The following KIF2A variants were observed in gnomAD, a reference collection of about 807,000 sequenced individuals.
KIF2A encodes the protein kinesin family member 2A.
A neutral mutation model predicts 100.2 loss-of-function variants in KIF2A; 22 were observed. That is an observed-to-expected ratio of 0.22 (90% CI 0.16 to 0.31). KIF2A has a LOEUF of 0.31. Among genes scored for constraint, KIF2A ranks in the 10% least tolerant of loss-of-function variants. The pLI, the probability that KIF2A is intolerant of heterozygous loss-of-function variation, is 1.00. For missense variants in KIF2A, 495 were observed against 898.7 expected (o/e 0.55, Z 5.74); for synonymous variants, 268 against 285.9 (o/e 0.94, Z 0.63).
intron 16 of KIF2A, among the ~76,000 whole-genome samples, 178 bp downstream of exon 16, chr5:62,366,659 G>A (rs941537394): frequency 2.0e-4 from 31 of 151,886 alleles, no homozygotes; most frequent in Non-Finnish European, 3.7e-4. Context: ...GTGAAACCCC[G>A]TCTCTACTAA....
At chr5:62,327,676 C>G (rs146998650) in intron 1 of KIF2A, among the ~76,000 whole-genome samples, 11 of 152,302 alleles carry the variant, frequency 7.2e-5, no homozygotes, top group Admixed American at 7.2e-4. Flanking sequence ...TCTGGCAGCA[C>G]TGAATTTGAA....
At chr5:62,350,339 A>G (rs1049767722) in intron 4 of KIF2A, among the ~76,000 whole-genome samples, 1 of 151,744 alleles carries the variant, frequency 6.6e-6, no homozygotes, top group East Asian at 1.9e-4. Context: ...GTACATTGGC[A>G]TGAACACAGC....
At chr5:62,369,903 A>G (rs1741241914) in intron 16 of KIF2A, among the ~76,000 whole-genome samples, 1 of 152,200 alleles carries the variant, frequency 6.6e-6, no homozygotes, top group Non-Finnish European at 1.5e-5. Flanking sequence ...TAACTTCCTT[A>G]CTACTTAATG....
chr5:62,351,246 A>AATG (rs1561267621), intron 4 of KIF2A, among the ~76,000 whole-genome samples: 1 of 151,956 alleles, frequency 6.6e-6, no homozygotes, highest in African/African-American at 2.4e-5. Context: ...ATAAATAAAT[A>AATG]AATAATATAA....
chr5:62,316,731 G>A (rs1419077478), intron 1 of KIF2A, among the ~76,000 whole-genome samples: 7 of 152,128 alleles, frequency 4.6e-5, no homozygotes, highest in Non-Finnish European at 5.9e-5. Context: ...TTGATAGCGC[G>A]GAGGGTGTGT....
At chr5:62,337,950 T>C (rs1021437681) in intron 1 of KIF2A, among the ~76,000 whole-genome samples, 12 of 152,218 alleles carry the variant, frequency 7.9e-5, no homozygotes, top group African/African-American at 2.7e-4. Flanking sequence ...TTGTGATTAT[T>C]GGTTTATATG....
At chr5:62,321,696 G>A (rs1030105686) in intron 1 of KIF2A, among the ~76,000 whole-genome samples, 6 of 151,722 alleles carry the variant, frequency 4.0e-5, no homozygotes, top group Non-Finnish European at 7.4e-5. Context: ...CCAAGTAGCT[G>A]GGACTACAGA....
chr5:62,333,327 CTGTT>C (rs1746751080), intron 1 of KIF2A, among the ~76,000 whole-genome samples: 1 of 152,112 alleles, frequency 6.6e-6, no homozygotes, highest in Admixed American at 6.5e-5. Context: ...CTTTCCAAAA[CTGTT>C]TGTGAGGCTG....
rs755527027 is a variant in KIF2A at position 62,363,269 on chromosome 5, T to C, written c.1211T>C (p.Val404Ala). 6.2e-7 allele frequency: 1 copy of C among 1,613,534 alleles called. No individual in the cohort carries two copies. Among genetic ancestry groups the C allele is most frequent in the South Asian group, 1.1e-5 (1 of 91,018 alleles). ...VQVVGLQERE[V>A]KCVEDVLKLI... ...GTGGTGGGATTACAGGAACGGGAGG[T>C]CAAATGTGTTGAAGATGTACTGAAA... The change falls in exon 13 of 21, where the codon GTC becomes GCC. Residue 404 changes from valine to alanine, a missense_variant. Around this residue, in one of 10 missense-constraint regions of KIF2A, gnomAD observed 38 missense variants for 99.5 expected, o/e 0.38. Coordinates refer to ENST00000407818, the MANE Select transcript of KIF2A (RefSeq NM_001098511.3).
chr5:62,326,775 C>T (rs546609956), intron 1 of KIF2A, among the ~76,000 whole-genome samples: 6 of 151,976 alleles, frequency 3.9e-5, no homozygotes, highest in Admixed American at 3.9e-4. Flanking sequence ...GCAGGCAGAT[C>T]GCTTGAGCCC....
intron 1 of KIF2A, among the ~76,000 whole-genome samples, chr5:62,334,046 A>G (rs1746792613): frequency 6.6e-6 from 1 of 152,048 alleles, no homozygotes. Flanking sequence ...TGGAATTAAT[A>G]TCTTTCCATT....
intron 1 of KIF2A, among the ~76,000 whole-genome samples, chr5:62,324,533 T>C (rs1580010966): frequency 6.6e-6 from 1 of 152,210 alleles, no homozygotes; most frequent in South Asian, 2.1e-4. Context: ...TGGAACAAGA[T>C]TGAGAACCCA....
intron 1 of KIF2A, among the ~76,000 whole-genome samples, chr5:62,338,941 A>G (rs1747126159): frequency 6.6e-6 from 1 of 152,274 alleles, no homozygotes. Context: ...TCATTAAATC[A>G]GAGAAATTAG....
At chr5:62,355,361 T>C (rs998949513) in intron 7 of KIF2A, 107 bp downstream of exon 7, 10 of 600,398 alleles carry the variant, frequency 1.7e-5, no homozygotes, top group African/African-American at 3.8e-5. Flanking sequence ...GTTTTTCCTT[T>C]CCTTGTGGGT....
intron 13 of KIF2A, 55 bp downstream of exon 13, chr5:62,363,375 A>C: frequency 6.7e-7 from 1 of 1,500,106 alleles, no homozygotes; most frequent in Middle Eastern, 1.8e-4. Context: ...CTTTGGGTAC[A>C]GTATAACAAA....
At position 62,306,369 on chromosome 5, in the gene KIF2A, C is replaced by T. The variant is rs1401895190; in HGVS notation, c.-104C>T. ...ACGCTGTCGCCCGGGCCGGCGCGGC[C>T]GCGGGCAACCGCTCCCCCTCCCACA... On this transcript the variant is annotated 5_prime_UTR_variant, in exon 1 of 21. Coordinates refer to ENST00000407818, the MANE Select transcript of KIF2A (RefSeq NM_001098511.3). 4.2e-6 allele frequency: 4 copies of T among 952,940 alleles called. No individual in the cohort carries two copies. Among genetic ancestry groups the T allele is most frequent in the Non-Finnish European group, 6.4e-6 (4 of 626,296 alleles). The allele number at this position is 952,940 out of a possible 1,614,324, so 59.0% of individuals were successfully genotyped here.
chr5:62,318,704 G>A (rs538260257), intron 1 of KIF2A, among the ~76,000 whole-genome samples: 46 of 151,696 alleles, frequency 3.0e-4, no homozygotes, highest in Non-Finnish European at 5.6e-4. Context: ...TTTAAGTATT[G>A]ATGTTCTTCA....
chr5:62,381,395 G>C, intron 20 of KIF2A, 142 bp downstream of exon 20: 2 of 656,006 alleles, frequency 3.0e-6, no homozygotes, highest in South Asian at 4.6e-5. Flanking sequence ...GAGGTATAAA[G>C]ACAACTAACC....
At chr5:62,382,004 ATTTC>A (rs1459276792) in intron 20 of KIF2A, among the ~76,000 whole-genome samples, 1 of 151,946 alleles carries the variant, frequency 6.6e-6, no homozygotes, top group African/African-American at 2.4e-5. Flanking sequence ...TCAGCTATGT[ATTTC>A]TTTATGTGTT....
Sources: gnomAD v4.1 joint callset for allele counts (sites outside exome capture counted in the v4.1 genomes callset) on GRCh38, gnomAD v4.1.1 for gene constraint, gnomAD v4.1.1 regional missense constraint, MANE v1.5 for transcripts, NCBI Gene and HGNC (gene_info 2026-07-23, HGNC 2026-07-21) for gene names.